ASTN2: variants seen among roughly 807,000 people sequenced by gnomAD.
ASTN2 encodes the protein astrotactin 2, also known as astrotactin-2.
In ASTN2, 54 loss-of-function variants were observed where a neutral mutation model predicts 139.8. The observed-to-expected ratio is 0.39, with a 90% CI of 0.31 to 0.48. The LOEUF (loss-of-function observed/expected upper bound fraction) is 0.48. Among genes scored for constraint, ASTN2 ranks in the 20% least tolerant of loss-of-function variants. The pLI, the probability that ASTN2 is intolerant of heterozygous loss-of-function variation, is 0.95. For synonymous variants in ASTN2, 756 were observed against 719.5 expected, an observed-to-expected ratio of 1.05 and a Z score of -0.81; for missense variants, 1,565 against 1,725.1, an observed-to-expected ratio of 0.91 and a Z score of 1.64.
chr9:116,976,643 C>G, intron 8 of ASTN2, 58 bp downstream of exon 8: 1 of 1,478,514 alleles, frequency 6.8e-7, no homozygotes, highest in Non-Finnish European at 9.4e-7. Context: ...GGTAACAGAA[C>G]AGAGGAGGTA....
intron 1 of ASTN2, among the ~76,000 whole-genome samples, chr9:117,313,006 C>A (rs550864587): frequency 6.6e-6 from 1 of 152,196 alleles, no homozygotes; most frequent in Non-Finnish European, 1.5e-5. Flanking sequence ...TTTATTTACA[C>A]GGCTTCACTT....
intron 4 of ASTN2, among the ~76,000 whole-genome samples, chr9:117,137,473 T>C (rs1829979951): frequency 6.6e-6 from 1 of 152,144 alleles, no homozygotes; most frequent in South Asian, 2.1e-4. Flanking sequence ...CTATTTGGGA[T>C]TTTGGAGGCT....
chr9:116,464,261 G>A (rs1180323983), intron 20 of ASTN2, among the ~76,000 whole-genome samples: 1 of 152,008 alleles, frequency 6.6e-6, no homozygotes, highest in Non-Finnish European at 1.5e-5. Flanking sequence ...TGGGAGGATG[G>A]GTAAGTGTGG....
intron 10 of ASTN2, among the ~76,000 whole-genome samples, chr9:116,874,344 A>C (rs1833241212): frequency 6.6e-6 from 1 of 152,082 alleles, no homozygotes; most frequent in Non-Finnish European, 1.5e-5. Flanking sequence ...TGTGCTTCTG[A>C]GTAGCTTGTT....
chr9:116,733,803 A>G (rs1588248986), intron 13 of ASTN2, among the ~76,000 whole-genome samples: 1 of 152,286 alleles, frequency 6.6e-6, no homozygotes, highest in East Asian at 1.9e-4. Flanking sequence ...CCTTGTCTAT[A>G]AAGTGAGACT....
intron 6 of ASTN2, among the ~76,000 whole-genome samples, chr9:117,029,786 C>A (rs566691767): frequency 3.4e-4 from 52 of 152,010 alleles, no homozygotes; most frequent in Non-Finnish European, 6.5e-4. Context: ...CTTCCTTCTT[C>A]TAGCCAAGGG....
intron 1 of ASTN2, among the ~76,000 whole-genome samples, chr9:117,309,274 A>T (rs1187466198): frequency 1.3e-5 from 2 of 152,210 alleles, no homozygotes; most frequent in African/African-American, 4.8e-5. Context: ...CACTGGCTGC[A>T]TCTACTACTT....
At chr9:116,777,874 G>T in intron 13 of ASTN2, among the ~76,000 whole-genome samples, 1 of 3,770 alleles carries the variant, frequency 2.7e-4, no homozygotes, top group African/African-American at 3.3e-4. Flanking sequence ...TTTTGACATG[G>T]AGTCTGTTGT....
intron 5 of ASTN2, among the ~76,000 whole-genome samples, chr9:117,088,968 C>A (rs1359215856): frequency 1.3e-5 from 2 of 152,190 alleles, no homozygotes; most frequent in Non-Finnish European, 2.9e-5. Flanking sequence ...CTGCACTTCT[C>A]ATCTGGACTT....
At chr9:116,740,202 G>T (rs1352997431) in intron 13 of ASTN2, among the ~76,000 whole-genome samples, 1 of 152,216 alleles carries the variant, frequency 6.6e-6, no homozygotes, top group Non-Finnish European at 1.5e-5. Flanking sequence ...ATGCCAGTGG[G>T]CAGCAAAAGG....
intron 1 of ASTN2, among the ~76,000 whole-genome samples, chr9:117,360,078 AGT>A (rs376507045): frequency 6.6e-6 from 1 of 152,086 alleles, no homozygotes. Context: ...TCTGACCCCT[AGT>A]GTGTGTGTGC....
intron 19 of ASTN2, chr9:116,551,090 C>G (rs1219979423): frequency 6.6e-6 from 1 of 152,182 alleles, no homozygotes; most frequent in Admixed American, 6.5e-5. Flanking sequence ...GATTCTCAAT[C>G]AGGGTGAGTC....
intron 17 of ASTN2, among the ~76,000 whole-genome samples, chr9:116,637,150 G>T (rs1857114103): frequency 6.6e-6 from 1 of 152,162 alleles, no homozygotes; most frequent in Non-Finnish European, 1.5e-5. Flanking sequence ...CAAGTATTTT[G>T]TTAGCAGAAA....
chr9:117,198,822 T>C (rs538753406), intron 3 of ASTN2, among the ~76,000 whole-genome samples: 28 of 152,350 alleles, frequency 1.8e-4, no homozygotes, highest in African/African-American at 6.3e-4. Context: ...TTTTTAATAA[T>C]TGCCATTCTG....
chr9:117,227,931 A>G (rs1457336034), intron 2 of ASTN2, among the ~76,000 whole-genome samples: 2 of 152,194 alleles, frequency 1.3e-5, no homozygotes, highest in African/African-American at 4.8e-5. Context: ...TCTATTTGTT[A>G]TTACTATTAC....
intron 3 of ASTN2, among the ~76,000 whole-genome samples, chr9:117,146,566 A>G (rs1249509850): frequency 2.0e-5 from 3 of 152,154 alleles, no homozygotes; most frequent in Non-Finnish European, 4.4e-5. Context: ...GATGAGTGGG[A>G]AGAAGCAGAG....
At chr9:117,044,452 C>A (rs1458721466) in intron 5 of ASTN2, among the ~76,000 whole-genome samples, 1 of 152,134 alleles carries the variant, frequency 6.6e-6, no homozygotes, top group Non-Finnish European at 1.5e-5. Context: ...GCCATGGCAA[C>A]CGGACCTGGC....
At chr9:117,004,857 G>A (rs905128097) in intron 7 of ASTN2, among the ~76,000 whole-genome samples, 1 of 152,092 alleles carries the variant, frequency 6.6e-6, no homozygotes, top group Non-Finnish European at 1.5e-5. Flanking sequence ...TGAAACCTTG[G>A]TAAGTTCCTT....
At chr9:117,164,669 G>T (rs902565524) in intron 3 of ASTN2, among the ~76,000 whole-genome samples, 9 of 152,056 alleles carry the variant, frequency 5.9e-5, no homozygotes, top group South Asian at 2.1e-4. Context: ...AGCAGCGAAG[G>T]TTCCTCAGGG....
Sources: allele counts gnomAD v4.1 joint callset (sites outside exome capture counted in the v4.1 genomes callset), GRCh38; gene constraint gnomAD v4.1.1; transcripts MANE v1.5; gene names NCBI Gene and HGNC (gene_info 2026-07-23, HGNC 2026-07-21).